Variants in VPS13D observed in about 807,000 individuals in gnomAD.
VPS13D encodes intermembrane lipid transfer protein VPS13D.
A neutral mutation model predicts 461.9 loss-of-function variants in VPS13D; 187 were observed. That is an observed-to-expected ratio of 0.40 (90% CI 0.36 to 0.46). The LOEUF (loss-of-function observed/expected upper bound fraction) is 0.46. Ranked by LOEUF, VPS13D falls within the 20% of genes least tolerant of loss-of-function variation. VPS13D has a pLI of 0.60. For missense variants in VPS13D, 4,711 were observed against 5,364.9 expected (o/e 0.88, Z 3.81); for synonymous variants, 1,951 against 1,986.3 (o/e 0.98, Z 0.47).
At chr1:12,395,578 G>A (rs1463560732) in intron 60 of VPS13D, among the ~76,000 whole-genome samples, 2 of 152,124 alleles carry the variant, frequency 1.3e-5, no homozygotes, top group African/African-American at 4.8e-5. Flanking sequence ...ATCTGCTTCT[G>A]AAGCTGGGAG....
chr1:12,449,135 GA>G (rs879778673), intron 65 of VPS13D, among the ~76,000 whole-genome samples: 69 of 141,984 alleles, frequency 4.9e-4, no homozygotes, highest in African/African-American at 4.6e-4. Context: ...CAGAGACCAG[GA>G]AAAAAAAAAA....
rs779396198 is a variant in VPS13D at position 12,293,698 on chromosome 1, G to T, written c.6027G>T (p.Gly2009=). The T allele has an allele frequency of 4.3e-6, 7 of 1,613,250 alleles. No individual in the cohort carries two copies. The highest frequency in any genetic ancestry group is 5.1e-6 in the Non-Finnish European group (6 of 1,179,736). The change falls in exon 24 of 70, where the codon GGG becomes GGT. Residue 2009 remains glycine (G), a synonymous_variant. Coordinates refer to ENST00000620676, the MANE Select transcript of VPS13D (RefSeq NM_015378.4). ...GGCGCCAGCGAGCTGCTATTGAGGGGCAGACGGTAGGTAGCCTGGGCCCTC... is the reference window on the plus strand; with the variant it reads ...GGCGCCAGCGAGCTGCTATTGAGGGTCAGACGGTAGGTAGCCTGGGCCCTC... The part of the protein sequence containing the change: ...VLGRQRAAIE[G]QTVRDQAQRC...
intron 16 of VPS13D, 128 bp downstream of exon 16, chr1:12,269,004 A>T: frequency 6.6e-6 from 7 of 1,058,170 alleles, no homozygotes; most frequent in Non-Finnish European, 7.9e-6. Flanking sequence ...GAGTAAGTCA[A>T]TAGGGTTGCC....
At chr1:12,424,789 T>A (rs1399658173) in intron 65 of VPS13D, among the ~76,000 whole-genome samples, 1 of 152,232 alleles carries the variant, frequency 6.6e-6, no homozygotes, top group Non-Finnish European at 1.5e-5. Context: ...TTCTTTTTTT[T>A]TAAGGCCTGA....
At chr1:12,403,732 G>T in intron 62 of VPS13D, 93 bp from the exon 63 acceptor site, 2 of 1,280,124 alleles carry the variant, frequency 1.6e-6, no homozygotes, top group Non-Finnish European at 2.1e-6. Context: ...TCCTTTTTTT[G>T]ATGATTTTTT....
intron 67 of VPS13D, among the ~76,000 whole-genome samples, chr1:12,482,427 GGCATTTGT>G (rs1471685405): frequency 1.3e-5 from 2 of 152,156 alleles, no homozygotes; most frequent in Non-Finnish European, 2.9e-5. Context: ...TAGACATTTT[GGCATTTGT>G]GCCTGAATGC....
rs556832843 is a variant in VPS13D, at chr1:12,455,978, C to T, written c.12334-20C>T. On this transcript the variant is annotated intron_variant, in intron 65 of 69. Transcript: ENST00000620676. ...GTGCCAAGACTTTAAAACTCTTCTCCTGCTTTTAACTCCTTCTAGTTTGCT... is the reference window on the plus strand; with the variant it reads ...GTGCCAAGACTTTAAAACTCTTCTCTTGCTTTTAACTCCTTCTAGTTTGCT... 8 of 1,583,680 alleles carry T rather than the reference C, an allele frequency of 5.1e-6. No homozygotes were observed. In the African/African-American group the frequency reaches 8.2e-5, roughly 16 times the overall value.
chr1:12,400,762 G>A (rs1644564218), intron 61 of VPS13D, among the ~76,000 whole-genome samples: 1 of 152,116 alleles, frequency 6.6e-6, no homozygotes, highest in African/African-American at 2.4e-5. Context: ...AGACCAGCTT[G>A]GGAAACATGG....
chr1:12,505,244 T>G lies in VPS13D; in HGVS notation c.12795-1609T>G, dbSNP rs920631754. ...CATTTTTATCCCTCTCTGTCTGTCT[T>G]TCTGTCTTTCCCTGTGCCCTCCTTT... On this transcript the variant is annotated intron_variant, in intron 68 of 69. Transcript: ENST00000620676. This position sits in a 1 kb window ranked among gnomAD's most constrained non-coding sequence, Gnocchi z 4.2. Among the ~76,000 whole-genome samples the G allele has an allele frequency of 2.6e-5, 4 of 151,844 alleles. No individual in the cohort carries two copies. Among genetic ancestry groups the G allele is most frequent in the African/African-American group, 9.7e-5 (4 of 41,100 alleles).
chr1:12,238,717 G>A (rs1328347055), intron 2 of VPS13D, among the ~76,000 whole-genome samples: 2 of 150,200 alleles, frequency 1.3e-5, no homozygotes, highest in Non-Finnish European at 3.0e-5. Context: ...CTGCAGCCTC[G>A]AACTTTTGGC....
chr1:12,353,760 T>C (rs1413134362), intron 46 of VPS13D, among the ~76,000 whole-genome samples: 1 of 152,056 alleles, frequency 6.6e-6, no homozygotes, highest in Non-Finnish European at 1.5e-5. Context: ...TTTATAGAGG[T>C]GTGTATAATT....
At chr1:12,313,300 T>A (rs4132981) in intron 29 of VPS13D, among the ~76,000 whole-genome samples, 2 of 111,128 alleles carry the variant, frequency 1.8e-5, no homozygotes, top group Non-Finnish European at 3.7e-5. Flanking sequence ...TATTCTTTCC[T>A]TTTTTTTTTT....
At chr1:12,347,405 C>T (rs372367443) in intron 44 of VPS13D, among the ~76,000 whole-genome samples, 27 of 152,270 alleles carry the variant, frequency 1.8e-4, no homozygotes, top group African/African-American at 5.3e-4. Flanking sequence ...CTCCTGACCT[C>T]GTGATCTGCC....
chr1:12,354,361 G>A, intron 47 of VPS13D, 140 bp downstream of exon 47: 1 of 1,117,072 alleles, frequency 9.0e-7, no homozygotes, highest in Non-Finnish European at 1.2e-6. Context: ...AGGAATCAGT[G>A]CAGTTAAAAA....
intron 40 of VPS13D, 98 bp downstream of exon 40, chr1:12,338,403 G>T (rs1006574587): frequency 1.3e-5 from 14 of 1,042,774 alleles, no homozygotes; most frequent in Non-Finnish European, 1.5e-5. Context: ...TGAATTGGGG[G>T]TATTCCATGT....
At chr1:12,263,160 C>T (rs1279445609) in intron 13 of VPS13D, among the ~76,000 whole-genome samples, 3 of 151,952 alleles carry the variant, frequency 2.0e-5, no homozygotes, top group Admixed American at 6.6e-5. Flanking sequence ...TTTTTTGTAA[C>T]GCACATCACA....
chr1:12,322,538 T>C lies in VPS13D; in HGVS notation c.7707T>C (p.Ile2569=). 1 of 1,613,952 alleles carries C rather than the reference T, an allele frequency of 6.2e-7. No homozygotes were observed. Among genetic ancestry groups the C allele is most frequent in the Non-Finnish European group, 8.5e-7 (1 of 1,179,858 alleles). The change falls in exon 34 of 70, where the codon ATT becomes ATC. Residue 2569 remains isoleucine (I), a splice_region_variant and synonymous_variant. Transcript: ENST00000620676. ...CTACCTTTTTTACATTTTGTTAGAT[T>C]CAGTTACAAGCCCTGGATATCAGAC... The part of the protein sequence containing the change: ...NSEDFPPVLE[I]QLQALDIRLS...
At chr1:12,259,042 C>CTTTTT (rs201506361) in intron 10 of VPS13D, among the ~76,000 whole-genome samples, 1 of 150,308 alleles carries the variant, frequency 6.7e-6, no homozygotes, top group Non-Finnish European at 1.5e-5. Context: ...TTTTCTTCTT[C>CTTTTT]TTCTTTTTTT....
At chr1:12,246,326 G>A (rs771576236) in intron 5 of VPS13D, among the ~76,000 whole-genome samples, 2 of 152,188 alleles carry the variant, frequency 1.3e-5, no homozygotes, top group African/African-American at 2.4e-5. Flanking sequence ...CTGAGCTGTA[G>A]GAGATACAGG....
Sources: gnomAD v4.1 joint callset for allele counts (sites outside exome capture counted in the v4.1 genomes callset) on GRCh38, gnomAD v4.1.1 for gene constraint, Gnocchi (gnomAD v3.1) non-coding constraint, MANE v1.5 for transcripts, NCBI Gene and HGNC (gene_info 2026-07-23, HGNC 2026-07-21) for gene names.